Variants in PTGFR observed in about 807,000 individuals in gnomAD.
The protein encoded by PTGFR is prostaglandin F2-alpha receptor.
Under a neutral mutation model 26.2 loss-of-function variants are expected in PTGFR, and 15 were observed. The ratio of observed to expected loss-of-function variants is 0.57; its 90% CI spans 0.38 to 0.88. The LOEUF (loss-of-function observed/expected upper bound fraction) is 0.88. Among genes scored for constraint, PTGFR ranks in the 40% least tolerant of loss-of-function variants. PTGFR has a pLI of 0.00. For synonymous variants in PTGFR, 165 were observed against 151.1 expected, an observed-to-expected ratio of 1.09 and a Z score of -0.68; for missense variants, 369 against 427.2, an observed-to-expected ratio of 0.86 and a Z score of 1.20.
chr1:78,496,943 T>C (rs1570269023), intron 2 of PTGFR, among the ~76,000 whole-genome samples: 1 of 150,746 alleles, frequency 6.6e-6, no homozygotes, highest in South Asian at 2.1e-4. Context: ...GCATATTTGT[T>C]AGAATCGATG....
intron 2 of PTGFR, among the ~76,000 whole-genome samples, chr1:78,503,668 C>T (rs1234525819): frequency 6.6e-6 from 1 of 152,208 alleles, no homozygotes; most frequent in Non-Finnish European, 1.5e-5. Flanking sequence ...CTTCTCCAAA[C>T]TCCACATGCT....
In PTGFR at chr1:78,537,407, T is replaced by C. The variant is rs763802007; in HGVS notation, c.*720T>C. 6.6e-6 allele frequency: 1 copy of C among 152,172 alleles called. No individual in the cohort carries two copies. Among genetic ancestry groups the C allele is most frequent in the Non-Finnish European group, 1.5e-5 (1 of 68,020 alleles). The allele number at this position is 152,172 out of a possible 1,614,324, so 9.4% of individuals were successfully genotyped here. On this transcript the variant is annotated 3_prime_UTR_variant, in exon 3 of 3. Coordinates refer to ENST00000370757, the MANE Select transcript of PTGFR (RefSeq NM_000959.4). Reference sequence around the variant, plus strand: ...AATTATTTTTTCTCTGAAAATTTTGTGTGTGATTGCACAATAAATAATTTT... The same window carrying C: ...AATTATTTTTTCTCTGAAAATTTTGCGTGTGATTGCACAATAAATAATTTT...
At chr1:78,503,384 T>A (rs1164484663) in intron 2 of PTGFR, among the ~76,000 whole-genome samples, 3 of 152,170 alleles carry the variant, frequency 2.0e-5, no homozygotes, top group African/African-American at 7.2e-5. Flanking sequence ...AAGGAAGTTT[T>A]AGAAATAAAG....
intron 2 of PTGFR, among the ~76,000 whole-genome samples, chr1:78,524,053 G>A (rs1335001235): frequency 2.0e-5 from 3 of 152,176 alleles, no homozygotes; most frequent in Non-Finnish European, 4.4e-5. Flanking sequence ...AACAATGTGT[G>A]GTTTGCTTAA....
At chr1:78,498,192 A>G (rs539604913) in intron 2 of PTGFR, among the ~76,000 whole-genome samples, 2 of 152,354 alleles carry the variant, frequency 1.3e-5, no homozygotes, top group African/African-American at 4.8e-5. Flanking sequence ...ACATGACATC[A>G]TAGCACATTT....
intron 2 of PTGFR, among the ~76,000 whole-genome samples, chr1:78,524,906 A>ATTTTTTTTTTTTTTTTTTTTTTTTTTT (rs35641651): frequency 2.8e-5 from 2 of 70,482 alleles, no homozygotes; most frequent in Non-Finnish European, 5.3e-5. Flanking sequence ...CAAATGCAAG[A>ATTTTTTTTTTTTTTTTTTTTTTTTTTT]TTTTTTTTTT....
intron 2 of PTGFR, among the ~76,000 whole-genome samples, chr1:78,509,916 T>C (rs1649925011): frequency 1.3e-5 from 2 of 152,220 alleles, no homozygotes; most frequent in Non-Finnish European, 2.9e-5. Context: ...CCCTCAGGTA[T>C]GAATTGACAT....
intron 2 of PTGFR, among the ~76,000 whole-genome samples, chr1:78,525,340 G>T (rs1650346195): frequency 6.6e-6 from 1 of 151,888 alleles, no homozygotes; most frequent in Admixed American, 6.6e-5. Flanking sequence ...CTACCCTCTT[G>T]AATTTGATGA....
At chr1:78,520,786 C>T (rs187538757) in intron 2 of PTGFR, among the ~76,000 whole-genome samples, 39 of 152,094 alleles carry the variant, frequency 2.6e-4, no homozygotes, top group Admixed American at 1.3e-3. Flanking sequence ...ATTCACCTAC[C>T]ACTGTGGTGG....
At chr1:78,532,351 C>G (rs1445410341) in intron 2 of PTGFR, 1 of 112,748 alleles carries the variant, frequency 8.9e-6, no homozygotes, top group Non-Finnish European at 1.7e-5. Context: ...TTTATGCCGT[C>G]AAGTAAATTC....
At position 78,493,490 on chromosome 1, in the gene PTGFR, C is replaced by T. The variant is rs758433633; in HGVS notation, c.747C>T (p.Ile249=). The T allele has an allele frequency of 6.3e-7, 1 of 1,582,304 alleles. No individual in the cohort carries two copies. The highest frequency in any genetic ancestry group is 1.2e-5 in the South Asian group (1 of 85,728). The change falls in exon 2 of 3, where the codon ATC becomes ATT. Residue 249 remains isoleucine (I), a synonymous_variant. Coordinates refer to ENST00000370757, the MANE Select transcript of PTGFR (RefSeq NM_000959.4). The part of the protein sequence containing the change: ...QGRSHHLEMV[I]QLLAIMCVSC... ...GATCTCATCATTTGGAAATGGTAAT[C>T]CAGCTCCTGGCGATAATGTGTGTCT...
chr1:78,515,268 T>A (rs1289023092), intron 2 of PTGFR, among the ~76,000 whole-genome samples: 1 of 152,144 alleles, frequency 6.6e-6, no homozygotes, highest in Non-Finnish European at 1.5e-5. Flanking sequence ...GTTCCCTTAC[T>A]CAATGACTGG....
chr1:78,498,775 T>A (rs1184623005), intron 2 of PTGFR, among the ~76,000 whole-genome samples: 1 of 152,180 alleles, frequency 6.6e-6, no homozygotes. Flanking sequence ...AATATAGGTC[T>A]TTCAGGTTTA....
chr1:78,525,358 G>T (rs927344552), intron 2 of PTGFR, among the ~76,000 whole-genome samples: 2 of 151,910 alleles, frequency 1.3e-5, no homozygotes, highest in Non-Finnish European at 2.9e-5. Flanking sequence ...TGATTTACTA[G>T]AATGACTTGT....
chr1:78,530,784 C>G (rs143144316), intron 2 of PTGFR, among the ~76,000 whole-genome samples: 42 of 152,216 alleles, frequency 2.8e-4, no homozygotes, highest in African/African-American at 8.9e-4. Context: ...TAACATAGCA[C>G]CACTGGGAAT....
chr1:78,516,470 A>C (rs2100379006), intron 2 of PTGFR, among the ~76,000 whole-genome samples: 1 of 152,304 alleles, frequency 6.6e-6, no homozygotes, highest in South Asian at 2.1e-4. Flanking sequence ...AAGGAGGATT[A>C]TTTTTGTACT....
intron 2 of PTGFR, among the ~76,000 whole-genome samples, chr1:78,535,578 G>T (rs370604827): frequency 2.6e-5 from 4 of 151,998 alleles, no homozygotes; most frequent in African/African-American, 9.7e-5. Context: ...TTATTTGTTT[G>T]TATATCCAAG....
chr1:78,521,743 G>A (rs187780704), intron 2 of PTGFR, among the ~76,000 whole-genome samples: 1 of 151,906 alleles, frequency 6.6e-6, no homozygotes, highest in Non-Finnish European at 1.5e-5. Flanking sequence ...GTAATAGTGG[G>A]CACTCTTGTC....
rs1422475438 is a variant in PTGFR, at chr1:78,493,184, T to C, written c.441T>C (p.Ile147=). Residue 147 remains isoleucine, a synonymous_variant, in exon 2 of 3, where the codon ATT becomes ATC. Coordinates refer to ENST00000370757, the MANE Select transcript of PTGFR (RefSeq NM_000959.4). The part of the protein sequence containing the change: ...VTKPIFHSTK[I]TSKHVKMMLS... ...AACCAATATTTCATTCTACGAAAAT[T>C]ACATCCAAACATGTGAAAATGATGT... is the stretch of plus-strand genomic sequence containing the variant. 3 of 1,614,212 alleles carry C rather than the reference T, an allele frequency of 1.9e-6. No individual in the cohort carries two copies. The highest frequency in any genetic ancestry group is 2.5e-6 in the Non-Finnish European group (3 of 1,180,042).
Sources: allele counts gnomAD v4.1 joint callset (sites outside exome capture counted in the v4.1 genomes callset), GRCh38; gene constraint gnomAD v4.1.1; transcripts MANE v1.5; gene names NCBI Gene and HGNC (gene_info 2026-07-23, HGNC 2026-07-21).